FAM185A: variants seen among roughly 807,000 people sequenced by gnomAD.
FAM185A encodes the protein protein FAM185A.
In FAM185A, 21 loss-of-function variants were observed where a neutral mutation model predicts 45.7. The ratio of observed to expected loss-of-function variants is 0.46; its 90% CI spans 0.33 to 0.66. The LOEUF (loss-of-function observed/expected upper bound fraction) is 0.66, where lower values mean the gene tolerates loss of function less well. FAM185A is among the 30% of genes least tolerant of loss of function. The pLI, the probability that FAM185A is intolerant of heterozygous loss-of-function variation, is 0.03. For synonymous variants in FAM185A, 117 were observed against 194.0 expected (o/e 0.60, Z 3.30); for missense variants, 305 against 485.4 (o/e 0.63, Z 3.49).
chr7:102,791,685 T>G (rs1796153251), intron 7 of FAM185A, among the ~76,000 whole-genome samples: 1 of 152,142 alleles, frequency 6.6e-6, no homozygotes, highest in Admixed American at 6.5e-5. Context: ...TGGATCTGTA[T>G]GTTGTCTCTG....
chr7:102,829,718 TG>T, the FAM185A span, among the ~76,000 whole-genome samples: 2 of 151,984 alleles, frequency 1.3e-5, no homozygotes, highest in Admixed American at 6.6e-5. Context: ...CGAGGTGAGG[TG>T]GTTGCAAGGA....
chr7:102,830,031 G>C, the FAM185A span, among the ~76,000 whole-genome samples: 1 of 152,222 alleles, frequency 6.6e-6, no homozygotes, highest in African/African-American at 2.4e-5. Context: ...TTGTATCAGC[G>C]TTCTAAAATA....
chr7:102,795,180 T>A (rs1260089764), intron 7 of FAM185A, among the ~76,000 whole-genome samples: 1 of 152,118 alleles, frequency 6.6e-6, no homozygotes, highest in Non-Finnish European at 1.5e-5. Flanking sequence ...ACTGGTGAAA[T>A]CTGAGTAAGG....
At chr7:102,802,363 A>C (rs1052413362) in intron 7 of FAM185A, among the ~76,000 whole-genome samples, 1 of 152,218 alleles carries the variant, frequency 6.6e-6, no homozygotes, top group Non-Finnish European at 1.5e-5. Flanking sequence ...CAGTGGAATA[A>C]AACTGGAAAT....
the FAM185A span, among the ~76,000 whole-genome samples, chr7:102,840,899 A>G: frequency 6.6e-6 from 1 of 152,226 alleles, no homozygotes; most frequent in Non-Finnish European, 1.5e-5. Context: ...CTTGGAAGAC[A>G]TGGACCCTGG....
intron 7 of FAM185A, among the ~76,000 whole-genome samples, chr7:102,804,086 A>T (rs1342852879): frequency 6.6e-6 from 1 of 152,228 alleles, no homozygotes; most frequent in Non-Finnish European, 1.5e-5. Context: ...TAGAATCAAT[A>T]TTGTGAAAAT....
chr7:102,751,807 G>C lies in FAM185A; in HGVS notation c.561+6G>C, dbSNP rs1473623971. On this transcript the variant is annotated splice_donor_region_variant and intron_variant, in intron 2 of 7. Coordinates refer to ENST00000413034, the MANE Select transcript of FAM185A (RefSeq NM_001145268.2). Reference sequence around the variant, plus strand: ...GTATCTTGCAGTCTGTTAAGGTATAGCATTTTTCTAATTTTATTTCACTAT... The same window carrying C: ...GTATCTTGCAGTCTGTTAAGGTATACCATTTTTCTAATTTTATTTCACTAT... 6.7e-7 allele frequency: 1 copy of C among 1,492,420 alleles called. No homozygotes were observed. The highest frequency in any genetic ancestry group is 8.9e-7 in the Non-Finnish European group (1 of 1,119,894). The allele number at this position is 1,492,420 out of a possible 1,614,324, so 92.4% of individuals were successfully genotyped here. A position where few individuals can be genotyped will look rare whatever the true frequency, so the allele number is the denominator to read the frequency against.
intron 7 of FAM185A, among the ~76,000 whole-genome samples, chr7:102,802,232 G>T (rs1441923068): frequency 6.6e-6 from 1 of 152,090 alleles, no homozygotes; most frequent in African/African-American, 2.4e-5. Flanking sequence ...ACAACTGCAG[G>T]ATACACATTC....
chr7:102,773,318 C>T (rs1794867851), intron 5 of FAM185A, among the ~76,000 whole-genome samples: 1 of 151,150 alleles, frequency 6.6e-6, no homozygotes, highest in South Asian at 2.1e-4. Flanking sequence ...AGACTTTATT[C>T]CAACTACAAC....
At chr7:102,831,427 A>AC in the FAM185A span, among the ~76,000 whole-genome samples, 1 of 150,582 alleles carries the variant, frequency 6.6e-6, no homozygotes, top group African/African-American at 2.5e-5. Context: ...ACACACACAC[A>AC]CACACCCCAC....
At chr7:102,757,133 T>A (rs1382100997) in intron 2 of FAM185A, among the ~76,000 whole-genome samples, 2 of 151,050 alleles carry the variant, frequency 1.3e-5, no homozygotes, top group African/African-American at 4.9e-5. Context: ...CTAACTGGCT[T>A]GTGACTGCTG....
In FAM185A at chr7:102,801,489, G is replaced by A. The variant is rs58367848; in HGVS notation, c.1067-6801G>A. On this transcript the variant is annotated intron_variant, in intron 7 of 7. Coordinates refer to ENST00000413034, the MANE Select transcript of FAM185A (RefSeq NM_001145268.2). The stretch of plus-strand genomic sequence containing the variant: ...ACCAACCAACTATCTACTGCTTGAA[G>A]AGACTCACCTAACACATAAGGACTC... Among the ~76,000 whole-genome samples, 33 of 152,148 alleles carry A rather than the reference G, an allele frequency of 2.2e-4. 1 individual carries two copies. The highest frequency in any genetic ancestry group is 2.2e-3 in the Admixed American group (33 of 15,278).
intron 4 of FAM185A, among the ~76,000 whole-genome samples, chr7:102,763,897 G>A (rs1261178621): frequency 3.3e-5 from 5 of 152,204 alleles, no homozygotes; most frequent in Admixed American, 6.5e-5. Context: ...GAAACCTGTC[G>A]TTAAAGAATT....
chr7:102,750,955 G>A (rs1284536585), intron 1 of FAM185A, among the ~76,000 whole-genome samples: 4 of 152,068 alleles, frequency 2.6e-5, no homozygotes, highest in Admixed American at 6.5e-5. Context: ...ACTCTGCCAC[G>A]CAGGCTGGAG....
rs1466104221 is a variant in FAM185A, at chr7:102,761,364, C to T, written c.746C>T (p.Ser249Leu). 3.2e-6 allele frequency: 5 copies of T among 1,544,462 alleles called. No individual in the cohort carries two copies. In the East Asian group the frequency reaches 7.4e-5, roughly 23 times the overall value. ...LKAKYLYTES[S>L]FLSSAAGDIT... ...GCCAAGTATCTTTATACAGAATCAT[C>T]ATTTCTGTCTTCTGCTGCTGGGGAT... Residue 249 changes from serine to leucine, a missense_variant, in exon 4 of 8, where the codon TCA (serine) becomes TTA (leucine). Ser to Leu is a moderately radical substitution (Grantham distance 145). Around this residue, in one of 5 missense-constraint regions of FAM185A, gnomAD observed 44 missense variants for 66.8 expected, o/e 0.66. Transcript: ENST00000413034.
chr7:102,815,606 G>A, the FAM185A span, among the ~76,000 whole-genome samples: 2 of 152,036 alleles, frequency 1.3e-5, no homozygotes, highest in Non-Finnish European at 2.9e-5. Context: ...TGTAGTACAA[G>A]AGTAGCACAG....
At chr7:102,803,162 CACTCCCTAA>C (rs1343496693) in intron 7 of FAM185A, among the ~76,000 whole-genome samples, 3 of 152,126 alleles carry the variant, frequency 2.0e-5, no homozygotes, top group Non-Finnish European at 2.9e-5. Context: ...AAAGAAGGAA[CACTCCCTAA>C]TTCATCCTAT....
At chr7:102,850,511 T>A in the FAM185A span, among the ~76,000 whole-genome samples, 2 of 152,196 alleles carry the variant, frequency 1.3e-5, no homozygotes, top group Non-Finnish European at 2.9e-5. Context: ...TTTTGTCTAG[T>A]CTATCACCTT....
the FAM185A span, among the ~76,000 whole-genome samples, chr7:102,816,648 G>A: frequency 3.3e-5 from 5 of 152,138 alleles, no homozygotes; most frequent in Non-Finnish European, 7.3e-5. Flanking sequence ...GGGTGTACAC[G>A]TGCAGGTTTG....
Sources: allele counts gnomAD v4.1 joint callset (sites outside exome capture counted in the v4.1 genomes callset), GRCh38; gene constraint gnomAD v4.1.1; regional missense constraint gnomAD v4.1.1; transcripts MANE v1.5; gene names NCBI Gene and HGNC (gene_info 2026-07-23, HGNC 2026-07-21).